Variants in TMTC3 observed in about 807,000 individuals in gnomAD.
TMTC3 encodes the protein protein O-mannosyl-transferase TMTC3.
In TMTC3, 52 loss-of-function variants were observed where a neutral mutation model predicts 92.2. That is an observed-to-expected ratio of 0.56 (90% confidence interval 0.45 to 0.71). The LOEUF (loss-of-function observed/expected upper bound fraction) is 0.71. TMTC3 is among the 30% of genes least tolerant of loss of function. The probability of loss-of-function intolerance (pLI) is 0.00; values close to 1 mark genes in which losing one functional copy is unlikely to be tolerated. For synonymous variants in TMTC3, 339 were observed against 363.3 expected (o/e 0.93, Z 0.76); for missense variants, 896 against 1,057.1 (o/e 0.85, Z 2.11).
chr12:88,155,892 CATTGTCAGGAGT>C (rs2041003091), intron 4 of TMTC3, among the ~76,000 whole-genome samples: 1 of 152,136 alleles, frequency 6.6e-6, no homozygotes, highest in African/African-American at 2.4e-5. Flanking sequence ...GGGCGGATCA[CATTGTCAGGAGT>C]TTGAGACCAG....
chr12:88,184,376 T>G (rs1249828872), intron 10 of TMTC3, among the ~76,000 whole-genome samples: 5 of 152,224 alleles, frequency 3.3e-5, no homozygotes, highest in Admixed American at 3.3e-4. Context: ...CATTCCCTTA[T>G]CTACTCTTTT....
At position 88,195,636 on chromosome 12, in the gene TMTC3, T is replaced by G. The variant is rs1214001477; in HGVS notation, c.2732T>G (p.Leu911Ter). 2.5e-6 allele frequency: 4 copies of G among 1,588,352 alleles called. No homozygotes were observed. Among genetic ancestry groups the G allele is most frequent in the Non-Finnish European group, 2.6e-6 (3 of 1,171,526 alleles). ...AGACTAGAAGAGATTGAACGTATTT[T>G]AAATGGTGAATAACATTAATATTTA... ...LKRLEEIERI[L>*]NGE The change falls in exon 14 of 14, where the codon TTA (leucine) becomes TGA (stop). Residue 911 changes from leucine (L) to a stop codon, truncating the protein, a stop_gained. Transcript: ENST00000266712. LOFTEE classifies it high-confidence loss of function.
chr12:88,174,729 T>TA lies in TMTC3; in HGVS notation c.1320+5dup, dbSNP rs2041241296. ...ACATTGTTTATGTCAGCCTTGAAGG[T>TA]AAAGTGTTGTTCAGAATGACAGGAA... On this transcript the variant is annotated splice_region_variant and intron_variant, in intron 9 of 13. Transcript: ENST00000266712. 6.2e-7 allele frequency: 1 copy of TA among 1,611,688 alleles called. No individual in the cohort carries two copies. The highest frequency in any genetic ancestry group is 1.1e-5 in the South Asian group (1 of 90,812).
At chr12:88,145,345 C>T (rs2040860002) in intron 1 of TMTC3, among the ~76,000 whole-genome samples, 1 of 152,170 alleles carries the variant, frequency 6.6e-6, no homozygotes, top group Admixed American at 6.5e-5. Context: ...GCTGCACACT[C>T]ATTCTTGTCC....
At chr12:88,151,403 G>C (rs974309616) in intron 2 of TMTC3, among the ~76,000 whole-genome samples, 8 of 152,006 alleles carry the variant, frequency 5.3e-5, no homozygotes, top group African/African-American at 1.2e-4. Flanking sequence ...TATTTTTATT[G>C]CCAACTAATA....
At chr12:88,154,201 G>A (rs998468349) in intron 3 of TMTC3, 87 bp from the exon 4 acceptor site, 25 of 950,682 alleles carry the variant, frequency 2.6e-5, no homozygotes, top group African/African-American at 3.4e-5. Context: ...GAAAAGTTAC[G>A]GAAATTAAAG....
chr12:88,148,092 T>G (rs934236064), intron 1 of TMTC3, among the ~76,000 whole-genome samples, 196 bp from the exon 2 acceptor site: 2 of 152,134 alleles, frequency 1.3e-5, no homozygotes. Context: ...AATGTCCCCG[T>G]TATCAGGGAC....
intron 1 of TMTC3, among the ~76,000 whole-genome samples, chr12:88,143,223 C>T (rs1433850501): frequency 2.0e-5 from 3 of 149,450 alleles, no homozygotes; most frequent in Non-Finnish European, 4.4e-5. Context: ...ATTTTCCTTT[C>T]GAAAATAAGT....
intron 10 of TMTC3, among the ~76,000 whole-genome samples, chr12:88,177,807 T>C (rs2041276369): frequency 6.6e-6 from 1 of 152,186 alleles, no homozygotes; most frequent in East Asian, 1.9e-4. Context: ...AGTACAACTA[T>C]GACCACTGCA....
intron 4 of TMTC3, among the ~76,000 whole-genome samples, chr12:88,155,623 A>G (rs185109803): frequency 1.3e-5 from 2 of 152,282 alleles, no homozygotes; most frequent in African/African-American, 4.8e-5. Flanking sequence ...ATCTTTATGT[A>G]GTAGTCTCAT....
intron 4 of TMTC3, among the ~76,000 whole-genome samples, chr12:88,156,187 TTC>T (rs1326248190): frequency 2.6e-5 from 4 of 152,242 alleles, no homozygotes; most frequent in Admixed American, 2.6e-4. Context: ...ATTATGTTTG[TTC>T]TCTCTGTTTT....
chr12:88,148,592 A>C, intron 2 of TMTC3, 88 bp downstream of exon 2: 1 of 984,264 alleles, frequency 1.0e-6, no homozygotes, highest in Non-Finnish European at 1.5e-6. Context: ...TATCAACATT[A>C]TCATCACAAC....
At chr12:88,174,573 A>AT (rs752753275) in intron 8 of TMTC3, 34 bp from the exon 9 acceptor site, 30 of 1,584,962 alleles carry the variant, frequency 1.9e-5, no homozygotes, top group South Asian at 3.5e-5. Flanking sequence ...GATGAAGACA[A>AT]TTTTTTTTGT....
At position 88,160,162 on chromosome 12, in the gene TMTC3, T is replaced by C; in HGVS notation, c.557T>C (p.Leu186Ser). The change falls in exon 5 of 14, where the codon TTA (leucine) becomes TCA (serine). Residue 186 changes from leucine to serine, a missense_variant. By Grantham distance (145) the Leu-to-Ser change is moderately radical. Transcript: ENST00000266712. ...LTVFLVAVATLCKEQGITVVG... is the reference protein window; with the variant it reads ...LTVFLVAVATSCKEQGITVVG... Reference sequence around the variant, plus strand: ...GTGTTTTTAGTGGCTGTTGCAACATTATGTAAAGAACAAGGAATAACAGTT... The same window carrying C: ...GTGTTTTTAGTGGCTGTTGCAACATCATGTAAAGAACAAGGAATAACAGTT... 6.3e-7 allele frequency: 1 copy of C among 1,593,620 alleles called. No homozygotes were observed. The highest frequency in any genetic ancestry group is 2.3e-5 in the East Asian group (1 of 43,416).
In TMTC3 at chr12:88,195,260, G is replaced by C. The variant is rs764794677; in HGVS notation, c.2356G>C (p.Asp786His). 1 of 1,613,794 alleles carries C rather than the reference G, an allele frequency of 6.2e-7. No homozygotes were observed. The highest frequency in any genetic ancestry group is 8.5e-7 in the Non-Finnish European group (1 of 1,179,886). The change falls in exon 14 of 14, where the codon GAC becomes CAC. Residue 786 changes from aspartate to histidine, a missense_variant. Physicochemically the swap from Asp to His is moderately conservative, Grantham distance 81 (BLOSUM62 -1). Coordinates refer to ENST00000266712, the MANE Select transcript of TMTC3 (RefSeq NM_181783.4). ...TTGTGTTGTTTATTTTGAAGAAAAAGACTTATTAAAAGCTGAAAGATGCCT... is the reference window on the plus strand; with the variant it reads ...TTGTGTTGTTTATTTTGAAGAAAAACACTTATTAAAAGCTGAAAGATGCCT... ...NLCVVYFEEK[D>H]LLKAERCLLE...
At chr12:88,183,701 G>A (rs1407160635) in intron 10 of TMTC3, among the ~76,000 whole-genome samples, 1 of 152,126 alleles carries the variant, frequency 6.6e-6, no homozygotes, top group Non-Finnish European at 1.5e-5. Context: ...TGGGCATGAT[G>A]TTAAGATTTC....
intron 9 of TMTC3, 98 bp from the exon 10 acceptor site, chr12:88,176,110 G>T: frequency 2.5e-6 from 2 of 790,924 alleles, no homozygotes; most frequent in South Asian, 2.0e-5. Flanking sequence ...CATTTCCATA[G>T]AACATTATTT....
intron 10 of TMTC3, among the ~76,000 whole-genome samples, chr12:88,178,208 AG>A (rs1380118519): frequency 1.3e-5 from 2 of 152,204 alleles, no homozygotes; most frequent in African/African-American, 4.8e-5. Context: ...AACAAAGCTA[AG>A]TTTCAATTAG....
chr12:88,193,024 A>T (rs2041461672), intron 13 of TMTC3, among the ~76,000 whole-genome samples, 194 bp downstream of exon 13: 1 of 152,150 alleles, frequency 6.6e-6, no homozygotes, highest in African/African-American at 2.4e-5. Flanking sequence ...GCATTCTAAC[A>T]TATGATAATA....
Sources: gnomAD v4.1 joint callset for allele counts (sites outside exome capture counted in the v4.1 genomes callset) on GRCh38, gnomAD v4.1.1 for gene constraint, MANE v1.5 for transcripts, NCBI Gene and HGNC (gene_info 2026-07-23, HGNC 2026-07-21) for gene names.